ESPN: variants seen among roughly 807,000 people sequenced by gnomAD.
ESPN encodes the protein espin.
In ESPN, 68 loss-of-function variants were observed where a neutral mutation model predicts 77.7. The ratio of observed to expected loss-of-function variants is 0.87; its 90% CI spans 0.72 to 1.07. The LOEUF (loss-of-function observed/expected upper bound fraction) is 1.07, where lower values mean the gene tolerates loss of function less well. Among genes scored for constraint, ESPN ranks in the 50% least tolerant of loss-of-function variants. ESPN has a pLI of 0.00. For missense variants in ESPN, 1,060 were observed against 1,239.0 expected, an observed-to-expected ratio of 0.86 and a Z score of 2.17; for synonymous variants, 449 against 567.1, an observed-to-expected ratio of 0.79 and a Z score of 2.96.
In ESPN at chr1:6,427,937, G is replaced by C. The variant is rs1002803020; in HGVS notation, c.295-289G>C. The stretch of plus-strand genomic sequence containing the variant: ...CTGCCGTGACAACCAGGTGCCTGTC[G>C]TGTAGGCAGCTCGCAGTCAGGACCT... On this transcript the variant is annotated intron_variant, in intron 1 of 12. Coordinates refer to ENST00000645284, the MANE Select transcript of ESPN (RefSeq NM_031475.3). The surrounding 1 kb of genome is among the most constrained non-coding windows in gnomAD (Gnocchi z 4.6). Among the ~76,000 whole-genome samples, 2 of 152,342 alleles carry C rather than the reference G, an allele frequency of 1.3e-5. No individual in the cohort carries two copies. The highest frequency in any genetic ancestry group is 2.4e-5 in the African/African-American group (1 of 41,580).
intron 2 of ESPN, among the ~76,000 whole-genome samples, chr1:6,430,219 C>T (rs1643191189): frequency 6.6e-6 from 1 of 152,210 alleles, no homozygotes; most frequent in Non-Finnish European, 1.5e-5. Context: ...CTGGGGCCTG[C>T]TGTGAATCGT....
intron 10 of ESPN, chr1:6,455,025 C>G: frequency 2.6e-6 from 1 of 378,006 alleles, no homozygotes; most frequent in Non-Finnish European, 4.7e-6. Context: ...GCGCCGCAAG[C>G]CCCCGCAGTC....
Position 6,448,993 on chromosome 1 carries a change from TGCCGGAGGCCGCGAGTTCGCCACCGCCG to T in ESPN, c.1821_1848del (p.Glu608ArgfsTer29). 1.4e-6 allele frequency: 2 copies of T among 1,448,032 alleles called. No individual in the cohort carries two copies. Among genetic ancestry groups the T allele is most frequent in the Non-Finnish European group, 1.8e-6 (2 of 1,106,206 alleles). The allele number at this position is 1,448,032 out of a possible 1,614,324, so 89.7% of individuals were successfully genotyped here. On this transcript the variant is annotated frameshift_variant, in exon 8 of 13. Coordinates refer to ENST00000645284, the MANE Select transcript of ESPN (RefSeq NM_031475.3). LOFTEE classifies it high-confidence loss of function. ...CCGCCCCCACCGCCGCCGCCGCCCC[TGCCGGAGGCCGCGAGTTCGCCACCGCCG>T]GCCCCGCCTCTGCCCCTCGAGAGCG... is the stretch of plus-strand genomic sequence containing the variant.
Position 6,448,629 on chromosome 1 carries a change from G to T in ESPN, c.1465-12G>T. The T allele has an allele frequency of 6.4e-7, 1 of 1,556,704 alleles. No homozygotes were observed. On this transcript the variant is annotated splice_polypyrimidine_tract_variant and intron_variant, in intron 7 of 12. Coordinates refer to ENST00000645284, the MANE Select transcript of ESPN (RefSeq NM_031475.3). ...AGGTGCCCGAGCCCCACCGGTCACT[G>T]TCTTCCCGCAGCTGAGCTCCTGTGA... is the stretch of plus-strand genomic sequence containing the variant.
At chr1:6,442,374 T>C (rs1419601488) in intron 5 of ESPN, among the ~76,000 whole-genome samples, 1 of 151,752 alleles carries the variant, frequency 6.6e-6, no homozygotes, top group Non-Finnish European at 1.5e-5. Flanking sequence ...ATCGAGACCA[T>C]CCTGGCCAAC....
chr1:6,426,487 G>A (rs374640448), intron 1 of ESPN, among the ~76,000 whole-genome samples: 6 of 146,344 alleles, frequency 4.1e-5, no homozygotes, highest in Non-Finnish European at 7.6e-5. Flanking sequence ...GAGAAAGTGT[G>A]GGGGGGATGA....
intron 12 of ESPN, among the ~76,000 whole-genome samples, chr1:6,459,703 A>G (rs987206025): frequency 4.6e-5 from 7 of 152,256 alleles, no homozygotes; most frequent in South Asian, 4.2e-4. Flanking sequence ...GCACCCAGCA[A>G]TACCACCTCC....
Position 6,428,249 on chromosome 1 carries a change from A to G in ESPN, c.318A>G (p.Thr106=). 6.2e-7 allele frequency: 1 copy of G among 1,613,626 alleles called. No individual in the cohort carries two copies. Among genetic ancestry groups the G allele is most frequent in the East Asian group, 2.2e-5 (1 of 44,872 alleles). The change falls in exon 2 of 13, where the codon ACA becomes ACG. Residue 106 remains threonine, a synonymous_variant. Coordinates refer to ENST00000645284, the MANE Select transcript of ESPN (RefSeq NM_031475.3). The surrounding 1 kb of genome is among the most constrained non-coding windows in gnomAD (Gnocchi z 5.4). ...AGGACAAAGACAATTCTGGTGCCACAGTCTTGCATCTGGCTGCCCGCTTCG... is the reference window on the plus strand; with the variant it reads ...AGGACAAAGACAATTCTGGTGCCACGGTCTTGCATCTGGCTGCCCGCTTCG... The part of the protein sequence containing the change: ...RVQDKDNSGA[T]VLHLAARFGH...
chr1:6,455,964 G>C (rs981792028), intron 10 of ESPN: 4 of 398,608 alleles, frequency 1.0e-5, no homozygotes, highest in Non-Finnish European at 1.8e-5. Context: ...TCAGACGGGG[G>C]ACCCGCCTGA....
At chr1:6,431,972 A>ACTGG (rs1388309140) in intron 2 of ESPN, among the ~76,000 whole-genome samples, 1 of 152,210 alleles carries the variant, frequency 6.6e-6, no homozygotes, top group Non-Finnish European at 1.5e-5. Flanking sequence ...TGTGGTCACC[A>ACTGG]CTGGCTTGCT....
rs1643093966 is a variant in ESPN, at chr1:6,427,773, C to A, written c.295-453C>A. ...AGTGTTGGATGCAGGGGGTGACCCC[C>A]AATCCTGATGCTAGCTTGGTACAGC... is the stretch of plus-strand genomic sequence containing the variant. On this transcript the variant is annotated intron_variant, in intron 1 of 12. Transcript: ENST00000645284. The surrounding 1 kb of genome is among the most constrained non-coding windows in gnomAD (Gnocchi z 4.6). Among the ~76,000 whole-genome samples, 1 of 152,174 alleles carries A rather than the reference C, an allele frequency of 6.6e-6. No homozygotes were observed. The highest frequency in any genetic ancestry group is 1.5e-5 in the Non-Finnish European group (1 of 68,018).
chr1:6,436,068 C>A (rs1643427838), intron 2 of ESPN, among the ~76,000 whole-genome samples: 1 of 152,178 alleles, frequency 6.6e-6, no homozygotes, highest in Admixed American at 6.5e-5. Flanking sequence ...CAGCAGCTGG[C>A]AAAGAGTGTT....
intron 2 of ESPN, 58 bp from the exon 3 acceptor site, chr1:6,440,193 TAAG>T (rs1407413101): frequency 6.6e-7 from 1 of 1,509,450 alleles, no homozygotes; most frequent in African/African-American, 1.4e-5. Context: ...TGGGGGCGGG[TAAG>T]AAGGCCTCGG....
downstream of ESPN, chr1:6,461,306 C>T: frequency 8.1e-7 from 1 of 1,227,958 alleles, no homozygotes; most frequent in South Asian, 1.3e-5. This position sits in a 1 kb window ranked among gnomAD's most constrained non-coding sequence, Gnocchi z 6.3. Context: ...GTGGGGCCGG[C>T]TGGTGCTGCT....
Position 6,460,360 on chromosome 1 carries a change from A to G in ESPN, c.*214A>G, listed in dbSNP as rs1569772788. ...CACGGTTGCCCAGAAAAAGTGCCCAAGCTGCTGACGCAAACAACAACAAAT... is the reference window on the plus strand; with the variant it reads ...CACGGTTGCCCAGAAAAAGTGCCCAGGCTGCTGACGCAAACAACAACAAAT... On this transcript the variant is annotated 3_prime_UTR_variant, in exon 13 of 13. Transcript: ENST00000645284. 1.7e-6 allele frequency: 1 copy of G among 594,750 alleles called. No homozygotes were observed. Among genetic ancestry groups the G allele is most frequent in the East Asian group, 2.8e-5 (1 of 35,114 alleles). 36.8% of individuals were successfully genotyped at this position (594,750 alleles called of 1,614,324 possible).
rs1643101393 is a variant in ESPN at position 6,427,981 on chromosome 1, G to A, written c.295-245G>A. Among the ~76,000 whole-genome samples the A allele has an allele frequency of 6.6e-6, 1 of 152,010 alleles. No homozygotes were observed. Among genetic ancestry groups the A allele is most frequent in the Admixed American group, 6.6e-5 (1 of 15,256 alleles). ...AGGACCTGCAGCCTCTGAAAACCCT[G>A]CACGGTGCTGCCTATTGGCTACGGT... On this transcript the variant is annotated intron_variant, in intron 1 of 12. Transcript: ENST00000645284. This position sits in a 1 kb window ranked among gnomAD's most constrained non-coding sequence, Gnocchi z 4.6.
In ESPN at chr1:6,457,352, T is replaced by G. The variant is rs1265770148; in HGVS notation, c.2406-9T>G. The G allele has an allele frequency of 1.2e-6, 2 of 1,614,114 alleles. No individual in the cohort carries two copies. Among genetic ancestry groups the G allele is most frequent in the Non-Finnish European group, 1.7e-6 (2 of 1,180,048 alleles). ...GGTACCAAGTGACACTGTCTCTTTT[T>G]CCTTCCAGGGAGCAGAAGCGGTGAG... On this transcript the variant is annotated splice_polypyrimidine_tract_variant and intron_variant, in intron 11 of 12. Coordinates refer to ENST00000645284, the MANE Select transcript of ESPN (RefSeq NM_031475.3).
rs568628218 is a variant in ESPN, at chr1:6,451,593, C to T, written c.1916-10C>T. ...CCCTGGCCAGTGCCTCATCTCCTGC[C>T]TCCGCATAGGCACCAAGTCTTTCAA... On this transcript the variant is annotated splice_polypyrimidine_tract_variant and intron_variant, in intron 8 of 12. Transcript: ENST00000645284. The surrounding 1 kb of genome is among the most constrained non-coding windows in gnomAD (Gnocchi z 4.3). The T allele has an allele frequency of 1.2e-6, 2 of 1,611,862 alleles. No individual in the cohort carries two copies. Among genetic ancestry groups the T allele is most frequent in the Non-Finnish European group, 1.7e-6 (2 of 1,179,470 alleles).
intron 10 of ESPN, 110 bp downstream of exon 10, chr1:6,452,206 T>TA: frequency 7.8e-7 from 1 of 1,282,282 alleles, no homozygotes; most frequent in Admixed American, 2.8e-5. Flanking sequence ...TTCTTTCTTT[T>TA]TTTTTTTTCT....
Sources: allele counts gnomAD v4.1 joint callset (sites outside exome capture counted in the v4.1 genomes callset), GRCh38; gene constraint gnomAD v4.1.1; non-coding constraint Gnocchi (gnomAD v3.1); transcripts MANE v1.5; gene names NCBI Gene and HGNC (gene_info 2026-07-23, HGNC 2026-07-21).